SLC47A2: variants seen among roughly 807,000 people sequenced by gnomAD.
SLC47A2 encodes solute carrier family 47 member 2.
In SLC47A2, 52 loss-of-function variants were observed where a neutral mutation model predicts 67.7. The observed-to-expected ratio is 0.77, with a 90% confidence interval of 0.61 to 0.97. The LOEUF is 0.97. SLC47A2 is among the 50% of genes least tolerant of loss of function. The probability of loss-of-function intolerance (pLI) is 0.00; values close to 1 mark genes in which losing one functional copy is unlikely to be tolerated. For synonymous variants in SLC47A2, 278 were observed against 292.9 expected, an observed-to-expected ratio of 0.95 and a Z score of 0.52; for missense variants, 676 against 712.3, an observed-to-expected ratio of 0.95 and a Z score of 0.58.
At chr17:19,679,625 G>T (rs895267706) in intron 16 of SLC47A2, among the ~76,000 whole-genome samples, 7 of 152,118 alleles carry the variant, frequency 4.6e-5, no homozygotes, top group Non-Finnish European at 8.8e-5. Flanking sequence ...TTGATGCGCA[G>T]ATCTTATGTC....
In SLC47A2 at chr17:19,714,455, A is replaced by C. The variant is rs563537283; in HGVS notation, c.294+266T>G. On this transcript the variant is annotated intron_variant, in intron 3 of 16. Transcript: ENST00000433844. The stretch of plus-strand genomic sequence containing the variant: ...GCTGGGGAACCGGTTGTCTTTCTCT[A>C]CTTGGTGACCTCCTCTGGGGGCAAG... 1.3e-5 allele frequency: 7 copies of C among 550,966 alleles called. No homozygotes were observed. The South Asian group carries it at 1.6e-4, about 13-fold the overall frequency. The allele number at this position is 550,966 out of a possible 1,614,324, so 34.1% of individuals were successfully genotyped here.
chr17:19,679,169 A>G (rs1180462241), intron 16 of SLC47A2, among the ~76,000 whole-genome samples: 1 of 152,208 alleles, frequency 6.6e-6, no homozygotes, highest in African/African-American at 2.4e-5. Context: ...TGTTCTTGTC[A>G]ACGCTTGGCC....
intron 5 of SLC47A2, among the ~76,000 whole-genome samples, chr17:19,711,832 GA>G (rs1333906953): frequency 6.6e-6 from 1 of 151,688 alleles, no homozygotes; most frequent in Non-Finnish European, 1.5e-5. Flanking sequence ...GATTCACAAA[GA>G]TTTTTTTTTA....
At chr17:19,682,644 T>C (rs1431177103) in intron 13 of SLC47A2, among the ~76,000 whole-genome samples, 1 of 152,196 alleles carries the variant, frequency 6.6e-6, no homozygotes, top group Non-Finnish European at 1.5e-5. Context: ...AATCCCCCTA[T>C]CTCCAGATTC....
chr17:19,702,129 T>C, intron 13 of SLC47A2: 1 of 983,072 alleles, frequency 1.0e-6, no homozygotes, highest in Non-Finnish European at 1.2e-6. Flanking sequence ...AAAAATTACA[T>C]AATTCAAATC....
At chr17:19,703,064 G>T in intron 12 of SLC47A2, 28 bp downstream of exon 12, 1 of 1,604,252 alleles carries the variant, frequency 6.2e-7, no homozygotes, top group Non-Finnish European at 8.5e-7. Flanking sequence ...CATTTTCCAA[G>T]AGTCAGCACA....
chr17:19,706,450 A>G (rs1186516094), intron 9 of SLC47A2, among the ~76,000 whole-genome samples, 198 bp downstream of exon 9: 1 of 152,106 alleles, frequency 6.6e-6, no homozygotes, highest in African/African-American at 2.4e-5. Flanking sequence ...CCAGCAACAG[A>G]CGGATCAGCC....
At chr17:19,688,869 T>A (rs2085482008) in intron 13 of SLC47A2, among the ~76,000 whole-genome samples, 1 of 149,496 alleles carries the variant, frequency 6.7e-6, no homozygotes, top group Admixed American at 6.7e-5. Flanking sequence ...GTGATATCTT[T>A]TTTTTTTTTT....
chr17:19,679,090 T>C (rs1162719372), intron 16 of SLC47A2, among the ~76,000 whole-genome samples, 184 bp from the exon 17 acceptor site: 2 of 152,202 alleles, frequency 1.3e-5, no homozygotes, highest in Non-Finnish European at 2.9e-5. Context: ...GGAGGAGATA[T>C]GCAGGAAAGC....
chr17:19,709,281 C>T (rs1296589710), intron 5 of SLC47A2, among the ~76,000 whole-genome samples: 1 of 152,218 alleles, frequency 6.6e-6, no homozygotes, highest in African/African-American at 2.4e-5. Context: ...CCTTCCCTGG[C>T]TGGGGAGGAC....
chr17:19,716,179 G>T (rs760503193), intron 1 of SLC47A2: 1 of 488,284 alleles, frequency 2.0e-6, no homozygotes, highest in African/African-American at 2.0e-5. Flanking sequence ...TGGGTTTCCA[G>T]CTGAGGCACA....
chr17:19,681,526 C>T lies in SLC47A2; in HGVS notation c.1297+12G>A. On this transcript the variant is annotated intron_variant, in intron 14 of 16. Transcript: ENST00000433844. Reference sequence around the variant, plus strand: ...CCACCCAGGCCTCTCCCGACTTCCTCACACCACATACCCATGATTCTCATT... The same window carrying T: ...CCACCCAGGCCTCTCCCGACTTCCTTACACCACATACCCATGATTCTCATT... 6.2e-7 allele frequency: 1 copy of T among 1,614,214 alleles called. No homozygotes were observed.
chr17:19,710,959 G>A (rs1012690668), intron 5 of SLC47A2, among the ~76,000 whole-genome samples: 7 of 151,478 alleles, frequency 4.6e-5, no homozygotes, highest in African/African-American at 9.7e-5. Flanking sequence ...TCAGGCATGC[G>A]CCACCACACC....
Position 19,681,327 on chromosome 17 carries a change from T to A in SLC47A2, c.1392+40A>T, listed in dbSNP as rs920467326. The stretch of plus-strand genomic sequence containing the variant: ...AGTCACTCCACCTGCTGGGGTCAGG[T>A]GCAGGGTGTCTTGTGGCCAGGGTCA... On this transcript the variant is annotated intron_variant, in intron 15 of 16. Coordinates refer to ENST00000433844, the MANE Select transcript of SLC47A2 (RefSeq NM_001099646.3). 2.0e-6 allele frequency: 3 copies of A among 1,524,830 alleles called. No individual in the cohort carries two copies. The African/African-American group carries it at 4.1e-5, about 21-fold the overall frequency. 94.5% of individuals were successfully genotyped at this position (1,524,830 alleles called of 1,614,324 possible).
At chr17:19,712,194 T>C (rs2086118814) in intron 5 of SLC47A2, among the ~76,000 whole-genome samples, 3 of 152,130 alleles carry the variant, frequency 2.0e-5, no homozygotes, top group Admixed American at 6.6e-5. Flanking sequence ...AAGACTAGCC[T>C]GGCCAACATG....
rs748231604 is a variant in SLC47A2, at chr17:19,678,643, C to A, written c.*43G>T. On this transcript the variant is annotated 3_prime_UTR_variant, in exon 17 of 17. Coordinates refer to ENST00000433844, the MANE Select transcript of SLC47A2 (RefSeq NM_001099646.3). Reference sequence around the variant, plus strand: ...GGGCAGACCGTGGTGTGTTTGCATACTGGGGACAGCCACTCCTGGCTTTCT... The same window carrying A: ...GGGCAGACCGTGGTGTGTTTGCATAATGGGGACAGCCACTCCTGGCTTTCT... 1.9e-6 allele frequency: 3 copies of A among 1,598,436 alleles called. No individual in the cohort carries two copies. The highest frequency in any genetic ancestry group is 1.7e-5 in the Admixed American group (1 of 59,910).
intron 13 of SLC47A2, among the ~76,000 whole-genome samples, chr17:19,686,412 A>C (rs2085429883): frequency 6.6e-6 from 1 of 152,202 alleles, no homozygotes; most frequent in African/African-American, 2.4e-5. Context: ...CCAAACCATA[A>C]AATAAATAAT....
chr17:19,678,918 A>T lies in SLC47A2; in HGVS notation c.1481-12T>A. On this transcript the variant is annotated splice_polypyrimidine_tract_variant and intron_variant, in intron 16 of 16. Coordinates refer to ENST00000433844, the MANE Select transcript of SLC47A2 (RefSeq NM_001099646.3). Reference sequence around the variant, plus strand: ...ACTGCCTGTAGCCACTGCGGAAGCAAACAGGAGCAAACTCAGCAGGTCAGG... The same window carrying T: ...ACTGCCTGTAGCCACTGCGGAAGCATACAGGAGCAAACTCAGCAGGTCAGG... 6.4e-7 allele frequency: 1 copy of T among 1,556,416 alleles called. No homozygotes were observed. Among genetic ancestry groups the T allele is most frequent in the Non-Finnish European group, 8.7e-7 (1 of 1,148,776 alleles).
chr17:19,705,297 G>A (rs1205639023), intron 10 of SLC47A2, 139 bp downstream of exon 10: 3 of 821,574 alleles, frequency 3.7e-6, no homozygotes, highest in East Asian at 2.8e-5. Flanking sequence ...AGCAGGGTCT[G>A]GACCTGGTGG....
Sources: gnomAD v4.1 joint callset for allele counts (sites outside exome capture counted in the v4.1 genomes callset) on GRCh38, gnomAD v4.1.1 for gene constraint, MANE v1.5 for transcripts, NCBI Gene and HGNC (gene_info 2026-07-23, HGNC 2026-07-21) for gene names.